The following PDE9A variants were observed in gnomAD, a reference collection of about 807,000 sequenced individuals.
PDE9A encodes high affinity cGMP-specific 3',5'-cyclic phosphodiesterase 9A.
PDE9A carries 60 observed loss-of-function variants against 87.4 expected under a neutral mutation model. The ratio of observed to expected loss-of-function variants is 0.69; its 90% CI spans 0.56 to 0.85. The LOEUF (loss-of-function observed/expected upper bound fraction) is 0.85, where lower values mean the gene tolerates loss of function less well. Ranked by LOEUF, PDE9A falls within the 40% of genes least tolerant of loss-of-function variation. PDE9A has a pLI of 0.00. For synonymous variants in PDE9A, 272 were observed against 279.4 expected, an observed-to-expected ratio of 0.97 and a Z score of 0.27; for missense variants, 665 against 779.0, an observed-to-expected ratio of 0.85 and a Z score of 1.74.
At position 42,760,679 on chromosome 21, in the gene PDE9A, G is replaced by A. The variant is rs1462232283; in HGVS notation, c.1003-146G>A. ...CCCCCCCAACCCCCACAGGCAGGCCGATCCTCTCCCACCATGCCAGGAGAT... is the reference window on the plus strand; with the variant it reads ...CCCCCCCAACCCCCACAGGCAGGCCAATCCTCTCCCACCATGCCAGGAGAT... On this transcript the variant is annotated intron_variant, in intron 12 of 19. Transcript: ENST00000291539. This position sits in a 1 kb window ranked among gnomAD's most constrained non-coding sequence, Gnocchi z 5.2. 1.1e-5 allele frequency: 7 copies of A among 655,062 alleles called. No homozygotes were observed. The highest frequency in any genetic ancestry group is 3.6e-5 in the African/African-American group (2 of 55,490). 40.6% of individuals were successfully genotyped at this position (655,062 alleles called of 1,614,324 possible). A position where few individuals can be genotyped will look rare whatever the true frequency, so the allele number is the denominator to read the frequency against.
intron 8 of PDE9A, 48 bp downstream of exon 8, chr21:42,743,908 C>A: frequency 9.1e-7 from 1 of 1,094,938 alleles, no homozygotes; most frequent in Non-Finnish European, 1.4e-6. Context: ...GGGAGGGCTC[C>A]CCGTACCAGT....
In PDE9A at chr21:42,759,590, GGT is replaced by G. The variant is rs1298332283; in HGVS notation, c.897+513_897+514del. On this transcript the variant is annotated intron_variant, in intron 11 of 19. Transcript: ENST00000291539. This position sits in a 1 kb window ranked among gnomAD's most constrained non-coding sequence, Gnocchi z 7.2. ...ATGGGGGTATCTGAGTTTACGGGTG[GGT>G]GTGTGTGAATGTGTGGTGGGAGTGT... is the stretch of plus-strand genomic sequence containing the variant. Among the ~76,000 whole-genome samples, 3 of 150,912 alleles carry G rather than the reference GGT, an allele frequency of 2.0e-5. No homozygotes were observed. Among genetic ancestry groups the G allele is most frequent in the Non-Finnish European group, 4.4e-5 (3 of 67,680 alleles).
At chr21:42,727,119 T>C (rs183807368) in intron 4 of PDE9A, among the ~76,000 whole-genome samples, 69 of 145,576 alleles carry the variant, frequency 4.7e-4, no homozygotes, top group African/African-American at 1.7e-3. Flanking sequence ...AGGCTTTCAA[T>C]GGGAATTGTG....
At chr21:42,726,618 A>ATTTTTTTTTTTTTTT (rs1486108848) in intron 4 of PDE9A, among the ~76,000 whole-genome samples, 1 of 23,048 alleles carries the variant, frequency 4.3e-5, no homozygotes, top group African/African-American at 3.3e-4. Context: ...ATATATATAT[A>ATTTTTTTTTTTTTTT]TATATATTTT....
At chr21:42,769,575 CAT>C (rs1314024862) in intron 17 of PDE9A, among the ~76,000 whole-genome samples, 20 of 115,184 alleles carry the variant, frequency 1.7e-4, no homozygotes, top group East Asian at 5.2e-4. Context: ...CACACACACA[CAT>C]GCACACAGGT....
At chr21:42,719,359 G>A (rs2018235133) in intron 4 of PDE9A, among the ~76,000 whole-genome samples, 1 of 151,814 alleles carries the variant, frequency 6.6e-6, no homozygotes. Context: ...TCTAGGCCAA[G>A]TACAGTGGCT....
chr21:42,761,098 T>C (rs1442585505), intron 13 of PDE9A, among the ~76,000 whole-genome samples, 191 bp downstream of exon 13: 1 of 151,966 alleles, frequency 6.6e-6, no homozygotes, highest in Admixed American at 6.5e-5. Context: ...CTCCCCGGAG[T>C]AGGAACTTTC....
intron 8 of PDE9A, among the ~76,000 whole-genome samples, chr21:42,749,294 T>G (rs1463835630): frequency 2.0e-5 from 3 of 152,184 alleles, no homozygotes; most frequent in Non-Finnish European, 1.5e-5. Context: ...AGTGCCCCCA[T>G]AGCCTGGTGA....
At chr21:42,661,270 C>A (rs1376565632) in intron 1 of PDE9A, among the ~76,000 whole-genome samples, 1 of 151,924 alleles carries the variant, frequency 6.6e-6, no homozygotes, top group Non-Finnish European at 1.5e-5. Flanking sequence ...ACCATGTGAT[C>A]CGCCCGCCTC....
In PDE9A at chr21:42,659,923, C is replaced by T. The variant is rs1165036727; in HGVS notation, c.69+6040C>T. On this transcript the variant is annotated intron_variant, in intron 1 of 19. Coordinates refer to ENST00000291539, the MANE Select transcript of PDE9A (RefSeq NM_002606.3). This position sits in a 1 kb window ranked among gnomAD's most constrained non-coding sequence, Gnocchi z 4.1. ...CCGTCAGACGCCTCAGATGAACTGA[C>T]ATGCAAATGAGAGATGAAACGGGGA... Among the ~76,000 whole-genome samples, 1 of 152,238 alleles carries T rather than the reference C, an allele frequency of 6.6e-6. No homozygotes were observed. Among genetic ancestry groups the T allele is most frequent in the Non-Finnish European group, 1.5e-5 (1 of 68,038 alleles).
At chr21:42,699,127 T>C in intron 4 of PDE9A, 116 bp downstream of exon 4, 1 of 702,474 alleles carries the variant, frequency 1.4e-6, no homozygotes, top group Non-Finnish European at 2.6e-6. Flanking sequence ...GAAATATATA[T>C]GAGTTACCTT....
In PDE9A at chr21:42,770,632, C is replaced by A. The variant is rs190591836; in HGVS notation, c.1591-71C>A. On this transcript the variant is annotated intron_variant, in intron 17 of 19. Coordinates refer to ENST00000291539, the MANE Select transcript of PDE9A (RefSeq NM_002606.3). ...GGTTTCCGCACGGAGCACCTGACAC[C>A]TGTTTTTCTCCGACGTTTCCCATTG... 1.5e-4 allele frequency: 182 copies of A among 1,210,786 alleles called. 1 individual carries two copies. In the African/African-American group the frequency reaches 2.0e-3, roughly 13 times the overall value. 75.0% of individuals were successfully genotyped at this position (1,210,786 alleles called of 1,614,324 possible). A position where few individuals can be genotyped will look rare whatever the true frequency, so the allele number is the denominator to read the frequency against.
In PDE9A at chr21:42,773,787, C is replaced by A. The variant is rs145687449; in HGVS notation, c.1768+1267C>A. On this transcript the variant is annotated intron_variant, in intron 19 of 19. Transcript: ENST00000291539. Reference sequence around the variant, plus strand: ...CTGCACTCCAGCCTGGGCAACAGAGCGAGACTTCGTCTCAAAAAATAAAAA... The same window carrying A: ...CTGCACTCCAGCCTGGGCAACAGAGAGAGACTTCGTCTCAAAAAATAAAAA... Among the ~76,000 whole-genome samples the A allele has an allele frequency of 3.9e-3, 579 of 149,878 alleles. 4 individuals are homozygous for A. Among genetic ancestry groups the A allele is most frequent in the African/African-American group, 0.013 (511 of 40,768 alleles).
chr21:42,685,851 G>A (rs1203324211), intron 1 of PDE9A, among the ~76,000 whole-genome samples: 1 of 151,964 alleles, frequency 6.6e-6, no homozygotes, highest in African/African-American at 2.4e-5. Flanking sequence ...TTGAAGACCC[G>A]GTGCCAAGCG....
chr21:42,700,423 A>G (rs1049485742), intron 4 of PDE9A, among the ~76,000 whole-genome samples: 6 of 152,236 alleles, frequency 3.9e-5, no homozygotes, highest in Non-Finnish European at 5.9e-5. Context: ...ACAGTTAAAC[A>G]TATACTTAAC....
At chr21:42,669,624 G>A (rs1250647657) in intron 1 of PDE9A, among the ~76,000 whole-genome samples, 1 of 152,176 alleles carries the variant, frequency 6.6e-6, no homozygotes, top group Non-Finnish European at 1.5e-5. Flanking sequence ...TGGGGCCCTG[G>A]AATCAGCAGA....
At chr21:42,690,921 C>T (rs189482635) in intron 3 of PDE9A, among the ~76,000 whole-genome samples, 8 of 152,242 alleles carry the variant, frequency 5.3e-5, no homozygotes, top group South Asian at 2.1e-4. Context: ...AAGCACCATC[C>T]ACAGTCACCC....
chr21:42,730,786 A>G (rs2051652403), intron 4 of PDE9A, among the ~76,000 whole-genome samples: 1 of 152,156 alleles, frequency 6.6e-6, no homozygotes, highest in Non-Finnish European at 1.5e-5. Flanking sequence ...GCAGGTTGTG[A>G]CAGTTTTCTC....
chr21:42,753,895 AAG>A (rs2054712804), intron 9 of PDE9A, 93 bp from the exon 10 acceptor site: 1 of 653,370 alleles, frequency 1.5e-6, no homozygotes, highest in Non-Finnish European at 2.7e-6. Flanking sequence ...AAGAAAAAGA[AAG>A]AGAACGGGAG....
Sources: allele counts gnomAD v4.1 joint callset (sites outside exome capture counted in the v4.1 genomes callset), GRCh38; gene constraint gnomAD v4.1.1; non-coding constraint Gnocchi (gnomAD v3.1); transcripts MANE v1.5; gene names NCBI Gene and HGNC (gene_info 2026-07-23, HGNC 2026-07-21).